ZFAND3: variants seen among roughly 807,000 people sequenced by gnomAD.
ZFAND3 encodes the protein zinc finger AN1-type containing 3.
In ZFAND3, 10 loss-of-function variants were observed where a neutral mutation model predicts 29.6. That is an observed-to-expected ratio of 0.34 (90% CI 0.21 to 0.57). The LOEUF (loss-of-function observed/expected upper bound fraction) is 0.57, where lower values mean the gene tolerates loss of function less well. Among genes scored for constraint, ZFAND3 ranks in the 20% least tolerant of loss-of-function variants. The probability of loss-of-function intolerance (pLI) is 0.86; values close to 1 mark genes in which losing one functional copy is unlikely to be tolerated. For synonymous variants in ZFAND3, 128 were observed against 112.6 expected, an observed-to-expected ratio of 1.14 and a Z score of -0.87; for missense variants, 230 against 304.5, an observed-to-expected ratio of 0.76 and a Z score of 1.82.
intron 1 of ZFAND3, among the ~76,000 whole-genome samples, chr6:37,821,656 T>C (rs1347191770): frequency 6.6e-6 from 1 of 152,214 alleles, no homozygotes; most frequent in Non-Finnish European, 1.5e-5. Context: ...TGTAACTCAT[T>C]GTAAGACATA....
chr6:37,877,792 G>C (rs1375845277), intron 1 of ZFAND3, among the ~76,000 whole-genome samples: 1 of 152,164 alleles, frequency 6.6e-6, no homozygotes, highest in Non-Finnish European at 1.5e-5. Context: ...CTGATATTGA[G>C]AGGAGATGCG....
intron 2 of ZFAND3, among the ~76,000 whole-genome samples, chr6:37,977,934 T>G (rs199919017): frequency 4.7e-4 from 59 of 126,240 alleles, no homozygotes; most frequent in African/African-American, 1.0e-3. Context: ...CCGTTCTTCC[T>G]TTCTTCCTTT....
intron 1 of ZFAND3, among the ~76,000 whole-genome samples, chr6:37,830,090 TA>T (rs1368515272): frequency 6.6e-6 from 1 of 152,242 alleles, no homozygotes; most frequent in African/African-American, 2.4e-5. Context: ...ATTAGATTTT[TA>T]CATTGTGTGT....
At chr6:38,113,729 T>A (rs1417193728) in intron 4 of ZFAND3, among the ~76,000 whole-genome samples, 1 of 151,270 alleles carries the variant, frequency 6.6e-6, no homozygotes, top group African/African-American at 2.5e-5. Context: ...TCTAACTCCC[T>A]TACTTATTTG....
chr6:38,107,417 C>T (rs930328471), intron 4 of ZFAND3, among the ~76,000 whole-genome samples: 1 of 152,230 alleles, frequency 6.6e-6, no homozygotes, highest in Admixed American at 6.5e-5. Flanking sequence ...TACACAGTAC[C>T]TTCCCTTCAC....
At chr6:37,855,778 T>C (rs1764370800) in intron 1 of ZFAND3, among the ~76,000 whole-genome samples, 1 of 152,218 alleles carries the variant, frequency 6.6e-6, no homozygotes, top group Non-Finnish European at 1.5e-5. Flanking sequence ...ACTTTGCATA[T>C]ACACAGTGTA....
chr6:38,012,377 A>ATTTTTTT (rs67495073), intron 2 of ZFAND3, among the ~76,000 whole-genome samples: 2 of 123,340 alleles, frequency 1.6e-5, no homozygotes, highest in East Asian at 2.5e-4. Context: ...TTTTGATAGT[A>ATTTTTTT]TTTTTTTTTT....
intron 1 of ZFAND3, among the ~76,000 whole-genome samples, chr6:37,869,294 GC>G (rs1424646661): frequency 6.6e-6 from 1 of 152,074 alleles, no homozygotes; most frequent in African/African-American, 2.4e-5. Flanking sequence ...CTCCCGAGTA[GC>G]TGGGATTACA....
At chr6:37,899,991 A>C (rs752606720) in intron 1 of ZFAND3, among the ~76,000 whole-genome samples, 3 of 152,174 alleles carry the variant, frequency 2.0e-5, no homozygotes, top group African/African-American at 7.2e-5. Flanking sequence ...ATAACAGTGT[A>C]TGTAGAATTA....
At chr6:37,946,697 T>C (rs1397543259) in intron 2 of ZFAND3, among the ~76,000 whole-genome samples, 1 of 152,212 alleles carries the variant, frequency 6.6e-6, no homozygotes, top group East Asian at 1.9e-4. Flanking sequence ...TTATGCTGTT[T>C]TGGAAACTGG....
At chr6:37,896,514 T>TTGTC (rs1554153803) in intron 1 of ZFAND3, among the ~76,000 whole-genome samples, 1 of 109,100 alleles carries the variant, frequency 9.2e-6, no homozygotes, top group African/African-American at 3.7e-5. Context: ...TTCCTCTTTC[T>TTGTC]TTTCTTTCTT....
chr6:37,835,392 A>G (rs1447630283), intron 1 of ZFAND3, among the ~76,000 whole-genome samples: 1 of 151,318 alleles, frequency 6.6e-6, no homozygotes, highest in African/African-American at 2.4e-5. Flanking sequence ...CCTGGGCTCC[A>G]GTGATCCTCC....
intron 4 of ZFAND3, among the ~76,000 whole-genome samples, chr6:38,084,364 GTTC>G (rs1048076539): frequency 6.6e-6 from 1 of 152,116 alleles, no homozygotes; most frequent in Non-Finnish European, 1.5e-5. Context: ...TCAAAATTTT[GTTC>G]TTCATCTGTA....
intron 1 of ZFAND3, among the ~76,000 whole-genome samples, chr6:37,855,312 C>T (rs561225375): frequency 4.5e-4 from 67 of 148,592 alleles, no homozygotes; most frequent in African/African-American, 1.5e-3. Context: ...GCCTGGCTAA[C>T]TCTTTTTTTT....
chr6:37,973,805 T>C, intron 2 of ZFAND3, among the ~76,000 whole-genome samples: 1 of 152,232 alleles, frequency 6.6e-6, no homozygotes, highest in East Asian at 1.9e-4. Flanking sequence ...AAGGACTGTC[T>C]TTTCTTTCAA....
At chr6:38,065,638 T>A (rs1171395140) in intron 3 of ZFAND3, among the ~76,000 whole-genome samples, 6 of 152,228 alleles carry the variant, frequency 3.9e-5, no homozygotes, top group Admixed American at 3.9e-4. Flanking sequence ...TTAGAGAGGT[T>A]CATTAACTTT....
intron 1 of ZFAND3, among the ~76,000 whole-genome samples, chr6:37,894,577 G>A (rs767509128): frequency 6.6e-6 from 1 of 151,954 alleles, no homozygotes; most frequent in African/African-American, 2.4e-5. Context: ...TCTCTATGTT[G>A]TCCAGGCTGG....
chr6:37,865,265 A>G (rs180698715), intron 1 of ZFAND3, among the ~76,000 whole-genome samples: 38 of 152,360 alleles, frequency 2.5e-4, no homozygotes, highest in Admixed American at 8.5e-4. Context: ...GATTGCTTAT[A>G]ATACCTCATA....
At chr6:37,932,270 A>AAAT (rs1554159702) in intron 2 of ZFAND3, among the ~76,000 whole-genome samples, 8 of 151,996 alleles carry the variant, frequency 5.3e-5, no homozygotes, top group African/African-American at 1.9e-4. Context: ...CAAAAAAAAA[A>AAAT]AAATAAATAA....
Sources: allele counts gnomAD v4.1 joint callset (sites outside exome capture counted in the v4.1 genomes callset), GRCh38; gene constraint gnomAD v4.1.1; transcripts MANE v1.5; gene names NCBI Gene and HGNC (gene_info 2026-07-23, HGNC 2026-07-21).